The following TTC29 variants were observed in gnomAD, a reference collection of about 807,000 sequenced individuals.
TTC29 encodes the protein tetratricopeptide repeat protein 29.
A neutral mutation model predicts 58.1 loss-of-function variants in TTC29; 49 were observed. The ratio of observed to expected loss-of-function variants is 0.84; its 90% confidence interval spans 0.67 to 1.07. The LOEUF (loss-of-function observed/expected upper bound fraction) is 1.07, where lower values mean the gene tolerates loss of function less well. Ranked by LOEUF, TTC29 falls within the 50% of genes least tolerant of loss-of-function variation. TTC29 has a pLI of 0.00. For synonymous variants in TTC29, 209 were observed against 196.8 expected, an observed-to-expected ratio of 1.06 and a Z score of -0.52; for missense variants, 582 against 555.6, an observed-to-expected ratio of 1.05 and a Z score of -0.48.
chr4:146,852,554 C>A (rs1729579350), intron 8 of TTC29, among the ~76,000 whole-genome samples: 2 of 152,232 alleles, frequency 1.3e-5, no homozygotes. Context: ...AGCCTGGCTG[C>A]ATGCATTTGG....
intron 8 of TTC29, among the ~76,000 whole-genome samples, chr4:146,863,701 T>C (rs755336509): frequency 6.6e-6 from 1 of 152,178 alleles, no homozygotes; most frequent in African/African-American, 2.4e-5. Context: ...CTGCTGTCCA[T>C]AAACTGCATG....
At chr4:146,758,546 C>T (rs1413214080) in intron 11 of TTC29, among the ~76,000 whole-genome samples, 2 of 152,052 alleles carry the variant, frequency 1.3e-5, no homozygotes, top group African/African-American at 4.8e-5. Flanking sequence ...ACATTCTATC[C>T]AACAGCGCAT....
At chr4:146,868,030 A>T (rs1730679674) in intron 7 of TTC29, among the ~76,000 whole-genome samples, 1 of 152,202 alleles carries the variant, frequency 6.6e-6, no homozygotes, top group African/African-American at 2.4e-5. Context: ...AATGGTGCAC[A>T]AACATTCATA....
chr4:146,713,287 T>TCCTCC (rs1742657807), intron 11 of TTC29, among the ~76,000 whole-genome samples: 1 of 149,962 alleles, frequency 6.7e-6, no homozygotes, highest in East Asian at 2.0e-4. Context: ...TTTATTCGTT[T>TCCTCC]TCCTCCTCCT....
At chr4:146,742,734 C>G (rs1482337388) in intron 11 of TTC29, among the ~76,000 whole-genome samples, 1 of 122,210 alleles carries the variant, frequency 8.2e-6, no homozygotes, top group Non-Finnish European at 1.7e-5. Flanking sequence ...CCCTTCTGCT[C>G]TCTTCCCCTC....
At chr4:146,717,753 T>C (rs1743040738) in intron 11 of TTC29, among the ~76,000 whole-genome samples, 1 of 152,176 alleles carries the variant, frequency 6.6e-6, no homozygotes, top group Non-Finnish European at 1.5e-5. Flanking sequence ...GTGAGAGCAT[T>C]TGAGAATTAC....
chr4:146,796,428 C>T (rs563502069), intron 11 of TTC29, among the ~76,000 whole-genome samples: 1 of 152,104 alleles, frequency 6.6e-6, no homozygotes, highest in African/African-American at 2.4e-5. Context: ...GAGAAACTTA[C>T]ACAAGGTGAG....
intron 11 of TTC29, among the ~76,000 whole-genome samples, chr4:146,788,394 T>C (rs1937320254): frequency 6.6e-6 from 1 of 152,202 alleles, no homozygotes; most frequent in Admixed American, 6.5e-5. Context: ...GAAGGTGACG[T>C]TGGAAAACAT....
At chr4:146,751,133 T>A (rs1442745191) in intron 11 of TTC29, among the ~76,000 whole-genome samples, 1 of 152,228 alleles carries the variant, frequency 6.6e-6, no homozygotes, top group African/African-American at 2.4e-5. Flanking sequence ...CACTATTTAT[T>A]GATAAAGGTG....
At chr4:146,743,602 T>C (rs1745324242) in intron 11 of TTC29, among the ~76,000 whole-genome samples, 1 of 152,230 alleles carries the variant, frequency 6.6e-6, no homozygotes. Context: ...CATATGTCTT[T>C]AGCACAGTGG....
chr4:146,758,668 G>A (rs1413767490), intron 11 of TTC29, among the ~76,000 whole-genome samples: 1 of 152,052 alleles, frequency 6.6e-6, no homozygotes. Context: ...AATAAAACTG[G>A]AAATCAACTC....
chr4:146,938,895 T>G (rs966700962), intron 3 of TTC29, among the ~76,000 whole-genome samples: 1 of 152,198 alleles, frequency 6.6e-6, no homozygotes, highest in Admixed American at 6.5e-5. Flanking sequence ...GTCAATAGAA[T>G]TACAAATGGC....
At chr4:146,836,103 A>G (rs1490597327) in intron 8 of TTC29, among the ~76,000 whole-genome samples, 1 of 152,138 alleles carries the variant, frequency 6.6e-6, no homozygotes, top group Non-Finnish European at 1.5e-5. Context: ...CCTCATAGTA[A>G]AAAAGAAAAT....
intron 6 of TTC29, among the ~76,000 whole-genome samples, chr4:146,894,440 A>G (rs1039926951): frequency 6.6e-6 from 1 of 151,530 alleles, no homozygotes; most frequent in African/African-American, 2.4e-5. Context: ...ACAAAAAACC[A>G]AACACCACAT....
chr4:146,763,417 T>C (rs1747054813), intron 11 of TTC29, among the ~76,000 whole-genome samples: 2 of 152,082 alleles, frequency 1.3e-5, no homozygotes, highest in African/African-American at 4.8e-5. Context: ...GTCAGCCCAC[T>C]GCATGGTGGT....
chr4:146,878,096 G>A (rs1217488857), intron 6 of TTC29, among the ~76,000 whole-genome samples: 2 of 152,126 alleles, frequency 1.3e-5, no homozygotes, highest in African/African-American at 4.8e-5. Flanking sequence ...AGGTGTCCTG[G>A]ATAAGGCTGT....
At chr4:146,732,600 G>C (rs924409021) in intron 11 of TTC29, among the ~76,000 whole-genome samples, 1 of 152,182 alleles carries the variant, frequency 6.6e-6, no homozygotes, top group Non-Finnish European at 1.5e-5. Flanking sequence ...CTACGGGAAT[G>C]AGTAGGTAAG....
intron 11 of TTC29, among the ~76,000 whole-genome samples, chr4:146,782,554 C>T (rs1182518172): frequency 6.6e-6 from 1 of 151,892 alleles, no homozygotes; most frequent in African/African-American, 2.4e-5. Context: ...GGGCATACCA[C>T]ATTCAATGCA....
chr4:146,738,043 A>G (rs116641194), intron 11 of TTC29, among the ~76,000 whole-genome samples: 248 of 152,346 alleles, frequency 1.6e-3, no homozygotes, highest in Middle Eastern at 6.8e-3. Context: ...GCCTGGTGGC[A>G]AAAACAGCTC....
Sources: allele counts gnomAD v4.1 joint callset (sites outside exome capture counted in the v4.1 genomes callset), GRCh38; gene constraint gnomAD v4.1.1; transcripts MANE v1.5; gene names NCBI Gene and HGNC (gene_info 2026-07-23, HGNC 2026-07-21).